ZNF215: variants seen among roughly 807,000 people sequenced by gnomAD.
ZNF215 encodes zinc finger protein 215, also known as BWSCR2-associated zinc finger protein 2.
ZNF215 carries 24 observed loss-of-function variants against 27.2 expected under a neutral mutation model. The observed-to-expected ratio is 0.88, with a 90% CI of 0.64 to 1.24. The LOEUF is 1.24. Ranked by LOEUF, ZNF215 falls within the 50% of genes most tolerant of loss-of-function variation. The pLI, the probability that ZNF215 is intolerant of heterozygous loss-of-function variation, is 0.00. For synonymous variants in ZNF215, 210 were observed against 204.0 expected (o/e 1.03, Z -0.25); for missense variants, 675 against 605.7 (o/e 1.11, Z -1.20).
chr11:6,940,349 G>T (rs1408867670), intron 3 of ZNF215, among the ~76,000 whole-genome samples: 1 of 152,148 alleles, frequency 6.6e-6, no homozygotes, highest in African/African-American at 2.4e-5. Context: ...CTGTCACCAG[G>T]GCTGGAGTGT....
chr11:6,936,185 AATAAT>A (rs1460753439), intron 3 of ZNF215, among the ~76,000 whole-genome samples: 2 of 152,058 alleles, frequency 1.3e-5, no homozygotes, highest in Non-Finnish European at 2.9e-5. Flanking sequence ...AGCCCACAAA[AATAAT>A]AGAACCAACA....
chr11:6,938,236 TA>T (rs1849505631), intron 3 of ZNF215, among the ~76,000 whole-genome samples: 1 of 151,952 alleles, frequency 6.6e-6, no homozygotes, highest in Non-Finnish European at 1.5e-5. Flanking sequence ...AGTATAGGAA[TA>T]AATGTTCAGG....
At chr11:6,960,706 G>A (rs925856559), downstream of ZNF215, among the ~76,000 whole-genome samples, 6 of 152,038 alleles carry the variant, frequency 3.9e-5, no homozygotes, top group South Asian at 2.1e-4. Context: ...TACTTCACTC[G>A]TCACTCTGGC....
Position 6,954,688 on chromosome 11 carries a change from G to A in ZNF215, c.713-1002G>A, listed in dbSNP as rs576340631. Reference sequence around the variant, plus strand: ...AACTCCCTGACCCCTTGCGCTTCCCGAGTGAAGCAATGCCTCGCCCTGCTT... The same window carrying A: ...AACTCCCTGACCCCTTGCGCTTCCCAAGTGAAGCAATGCCTCGCCCTGCTT... On this transcript the variant is annotated intron_variant, in intron 6 of 6. Coordinates refer to ENST00000278319, the MANE Select transcript of ZNF215 (RefSeq NM_013250.4). 5.3e-5 allele frequency among the ~76,000 whole-genome samples: 8 copies of A among 152,308 alleles called. No homozygotes were observed. The South Asian group carries it at 8.3e-4, about 16-fold the overall frequency.
chr11:6,932,206 C>T lies in ZNF215; in HGVS notation c.-67C>T. On this transcript the variant is annotated 5_prime_UTR_variant, in exon 3 of 7. Coordinates refer to ENST00000278319, the MANE Select transcript of ZNF215 (RefSeq NM_013250.4). ...GCATATAGTACACAGGTGCTTAGCT[C>T]AAGCCTGAGAATTACTGCAATCTAG... 6.4e-7 allele frequency: 1 copy of T among 1,557,666 alleles called. No individual in the cohort carries two copies. Among genetic ancestry groups the T allele is most frequent in the Non-Finnish European group, 8.7e-7 (1 of 1,151,638 alleles).
At chr11:6,955,051 A>T (rs1211903132) in intron 6 of ZNF215, among the ~76,000 whole-genome samples, 1 of 152,210 alleles carries the variant, frequency 6.6e-6, no homozygotes, top group Non-Finnish European at 1.5e-5. Context: ...TAAAGTTTTG[A>T]ATTCTAGGAA....
At chr11:6,933,341 A>T (rs1590046128) in intron 3 of ZNF215, among the ~76,000 whole-genome samples, 1 of 152,342 alleles carries the variant, frequency 6.6e-6, no homozygotes, top group East Asian at 1.9e-4. Flanking sequence ...ATTATGTGGC[A>T]AGTTTTATTT....
At chr11:6,973,835 C>G (rs958418241) in intron 5 of ZNF215, among the ~76,000 whole-genome samples, 10 of 152,258 alleles carry the variant, frequency 6.6e-5, no homozygotes, top group African/African-American at 2.4e-4. Flanking sequence ...TTTTCCCATT[C>G]TGTAGGTTGC....
At chr11:6,969,784 TA>T (rs1471016759) in intron 5 of ZNF215, among the ~76,000 whole-genome samples, 2 of 152,180 alleles carry the variant, frequency 1.3e-5, no homozygotes, top group African/African-American at 4.8e-5. Context: ...GGTAGTCTGT[TA>T]TTTTTTATTT....
downstream of ZNF215, among the ~76,000 whole-genome samples, chr11:6,991,424 C>T (rs573553661): frequency 3.3e-4 from 51 of 152,332 alleles, no homozygotes; most frequent in African/African-American, 1.1e-3. Flanking sequence ...CACACACCGT[C>T]GGGGCTGGTA....
downstream of ZNF215, among the ~76,000 whole-genome samples, chr11:6,993,894 G>A (rs2133368132): frequency 6.6e-6 from 1 of 152,252 alleles, no homozygotes. Flanking sequence ...GACCAGCTGA[G>A]GTTGAACAAA....
At chr11:6,975,023 G>A (rs1201311272) in intron 5 of ZNF215, among the ~76,000 whole-genome samples, 1 of 152,154 alleles carries the variant, frequency 6.6e-6, no homozygotes, top group East Asian at 1.9e-4. Context: ...TTTATTGGCT[G>A]TGGGTTTGTC....
chr11:6,980,520 G>T (rs1226487578), intron 5 of ZNF215, among the ~76,000 whole-genome samples: 2 of 151,968 alleles, frequency 1.3e-5, no homozygotes, highest in African/African-American at 4.8e-5. Flanking sequence ...ACAAATAGTT[G>T]CAGTTTTCCT....
At chr11:6,990,214 G>C (rs1401431394), downstream of ZNF215, among the ~76,000 whole-genome samples, 1 of 152,132 alleles carries the variant, frequency 6.6e-6, no homozygotes, top group Non-Finnish European at 1.5e-5. Flanking sequence ...CAGGCAGCAA[G>C]CCCATGGATT....
In ZNF215 at chr11:6,932,238, G is replaced by A. The variant is rs377556573; in HGVS notation, c.-35G>A. 157 of 1,593,852 alleles carry A rather than the reference G, an allele frequency of 9.9e-5. No individual in the cohort carries two copies. The highest frequency in any genetic ancestry group is 1.7e-4 in the Middle Eastern group (1 of 5,954). ...GAGAATTACTGCAATCTAGTAAGGC[G>A]GATTTGAACTACTGTGGGAGTTCTA... On this transcript the variant is annotated 5_prime_UTR_variant, in exon 3 of 7. Transcript: ENST00000278319.
At chr11:6,970,061 C>G (rs533495887) in intron 5 of ZNF215, among the ~76,000 whole-genome samples, 20 of 152,194 alleles carry the variant, frequency 1.3e-4, no homozygotes, top group African/African-American at 4.6e-4. Context: ...GGATTACAAG[C>G]GTGAGCCACT....
At chr11:6,977,685 T>C (rs1000323890) in intron 5 of ZNF215, among the ~76,000 whole-genome samples, 2 of 152,002 alleles carry the variant, frequency 1.3e-5, no homozygotes, top group African/African-American at 4.8e-5. Flanking sequence ...CCAAACCTGC[T>C]GACACCTGGA....
chr11:6,970,721 TA>T (rs1258055961), intron 5 of ZNF215, among the ~76,000 whole-genome samples: 1 of 152,174 alleles, frequency 6.6e-6, no homozygotes, highest in Non-Finnish European at 1.5e-5. Context: ...TGAAAAGTTT[TA>T]AAAATAACTT....
chr11:6,958,771 G>A (rs537414584), downstream of ZNF215, among the ~76,000 whole-genome samples: 14 of 152,280 alleles, frequency 9.2e-5, no homozygotes, highest in South Asian at 8.3e-4. Flanking sequence ...AGCTGACAGC[G>A]CAGCCTTCAG....
Sources: allele counts gnomAD v4.1 joint callset (sites outside exome capture counted in the v4.1 genomes callset), GRCh38; gene constraint gnomAD v4.1.1; transcripts MANE v1.5; gene names NCBI Gene and HGNC (gene_info 2026-07-23, HGNC 2026-07-21).